The following ETV7 variants were observed in gnomAD, a reference collection of about 807,000 sequenced individuals.
ETV7 encodes ETS variant transcription factor 7.
A neutral mutation model predicts 39.1 loss-of-function variants in ETV7; 43 were observed. That is an observed-to-expected ratio of 1.10 (90% CI 0.86 to 1.42). The LOEUF (loss-of-function observed/expected upper bound fraction) is 1.42. ETV7 is among the 40% of genes most tolerant of loss of function. The pLI, the probability that ETV7 is intolerant of heterozygous loss-of-function variation, is 0.00. For missense variants in ETV7, 432 were observed against 442.3 expected, an observed-to-expected ratio of 0.98 and a Z score of 0.21; for synonymous variants, 196 against 176.6, an observed-to-expected ratio of 1.11 and a Z score of -0.87.
chr6:36,365,882 G>T (rs1772693499), downstream of ETV7, among the ~76,000 whole-genome samples: 1 of 152,196 alleles, frequency 6.6e-6, no homozygotes, highest in African/African-American at 2.4e-5. Flanking sequence ...AAACACTTAA[G>T]AAACATCGGC....
At chr6:36,368,227 A>G (rs1157953179) in intron 6 of ETV7, among the ~76,000 whole-genome samples, 2 of 152,182 alleles carry the variant, frequency 1.3e-5, no homozygotes, top group African/African-American at 2.4e-5. Flanking sequence ...GATTAAATGA[A>G]TTAGTACAAG....
chr6:36,366,862 C>T lies in ETV7; in HGVS notation c.908+13G>A. The T allele has an allele frequency of 6.2e-7, 1 of 1,613,836 alleles. No homozygotes were observed. The highest frequency in any genetic ancestry group is 8.5e-7 in the Non-Finnish European group (1 of 1,179,732). On this transcript the variant is annotated intron_variant, in intron 7 of 7. Coordinates refer to ENST00000340181, the MANE Select transcript of ETV7 (RefSeq NM_016135.4). ...TCTGCTTCCCCTTTCACCACATCCC[C>T]TAGGCCACTCACCTGAACAGGAGTT...
downstream of ETV7, among the ~76,000 whole-genome samples, chr6:36,363,520 T>A (rs375334983): frequency 6.6e-6 from 1 of 152,242 alleles, no homozygotes; most frequent in Non-Finnish European, 1.5e-5. Flanking sequence ...GGAGTGAAGC[T>A]GCAGATCTTC....
Position 36,371,321 on chromosome 6 carries a change from C to G in ETV7, c.664+9G>C. 1 of 1,573,172 alleles carries G rather than the reference C, an allele frequency of 6.4e-7. No individual in the cohort carries two copies. The highest frequency in any genetic ancestry group is 8.6e-7 in the Non-Finnish European group (1 of 1,158,238). On this transcript the variant is annotated intron_variant, in intron 5 of 7. Coordinates refer to ENST00000340181, the MANE Select transcript of ETV7 (RefSeq NM_016135.4). ...CCTTCCATGGCCAGAGGAACAGCCT[C>G]CCACTCACCAGCGATCCTGCCGTCA...
chr6:36,376,125 C>T (rs1773330617), intron 2 of ETV7, 90 bp from the exon 3 acceptor site: 1 of 1,232,616 alleles, frequency 8.1e-7, no homozygotes. Context: ...AGATGCTCCC[C>T]TGTCCTGGCC....
At chr6:36,371,035 A>T (rs1017225634) in intron 5 of ETV7, among the ~76,000 whole-genome samples, 2 of 152,264 alleles carry the variant, frequency 1.3e-5, no homozygotes, top group Non-Finnish European at 2.9e-5. Flanking sequence ...CAATTATTTT[A>T]AAACAGATAA....
At chr6:36,370,306 G>A (rs1382429629) in intron 5 of ETV7, among the ~76,000 whole-genome samples, 1 of 152,060 alleles carries the variant, frequency 6.6e-6, no homozygotes, top group African/African-American at 2.4e-5. Flanking sequence ...AGGCCGAGGT[G>A]GGTGGATCAC....
downstream of ETV7, among the ~76,000 whole-genome samples, chr6:36,363,894 G>GT (rs910316457): frequency 2.6e-5 from 4 of 152,040 alleles, no homozygotes; most frequent in Non-Finnish European, 4.4e-5. Context: ...GCTGATTGGT[G>GT]TATTTACAAA....
chr6:36,370,548 GAAAAGA>G (rs1172585288), intron 5 of ETV7, among the ~76,000 whole-genome samples: 1 of 151,936 alleles, frequency 6.6e-6, no homozygotes, highest in African/African-American at 2.4e-5. Context: ...AAAAAGAAAA[GAAAAGA>G]AAAGAAAAAC....
intron 2 of ETV7, among the ~76,000 whole-genome samples, chr6:36,378,240 G>GAAAAA (rs34940984): frequency 7.1e-6 from 1 of 140,336 alleles, no homozygotes; most frequent in African/African-American, 2.7e-5. Context: ...ATCTAATATG[G>GAAAAA]AAAAAAAAAA....
chr6:36,368,786 A>G, intron 6 of ETV7, 143 bp downstream of exon 6: 2 of 1,123,872 alleles, frequency 1.8e-6, no homozygotes, highest in Non-Finnish European at 2.6e-6. Flanking sequence ...TAGCTCCCCA[A>G]ATAAAATTAT....
rs143299071 is a variant in ETV7 at position 36,376,497 on chromosome 6, G to A, written c.143-462C>T. 9.2e-4 allele frequency among the ~76,000 whole-genome samples: 140 copies of A among 152,310 alleles called. 1 individual carries two copies. The South Asian group carries it at 0.011, about 12-fold the overall frequency. On this transcript the variant is annotated intron_variant, in intron 2 of 7. Coordinates refer to ENST00000340181, the MANE Select transcript of ETV7 (RefSeq NM_016135.4). ...CAACCCAATGAAAGGGGTGTTACTG[G>A]CCAGGCGCGGTGGCTCATGCCTGTA...
downstream of ETV7, among the ~76,000 whole-genome samples, chr6:36,361,551 C>A (rs1489480753): frequency 6.6e-6 from 1 of 152,136 alleles, no homozygotes; most frequent in East Asian, 1.9e-4. Context: ...AGGCTTCCTG[C>A]AGTTAAGAGC....
chr6:36,376,548 C>T (rs979858327), intron 2 of ETV7, among the ~76,000 whole-genome samples: 25 of 152,166 alleles, frequency 1.6e-4, no homozygotes, highest in East Asian at 5.8e-4. Flanking sequence ...GAGGCCGAGG[C>T]GGGTGGATCA....
chr6:36,381,210 T>G (rs1280942732), intron 2 of ETV7, among the ~76,000 whole-genome samples: 1 of 152,132 alleles, frequency 6.6e-6, no homozygotes, highest in Non-Finnish European at 1.5e-5. Context: ...GCCAGTACCC[T>G]AAAAATGGGA....
rs35376366 is a variant in ETV7 at position 36,370,689 on chromosome 6, GA to G, written c.664+640del. On this transcript the variant is annotated intron_variant, in intron 5 of 7. Coordinates refer to ENST00000340181, the MANE Select transcript of ETV7 (RefSeq NM_016135.4). ...ACCCCCTGAACCTAAAATAAAAGTT[GA>G]AAAAAAAAAAGAATAAATGCAGTGT... is the stretch of plus-strand genomic sequence containing the variant. Among the ~76,000 whole-genome samples, 488 of 146,104 alleles carry G rather than the reference GA, an allele frequency of 3.3e-3. 1 individual carries two copies. Among genetic ancestry groups the G allele is most frequent in the African/African-American group, 0.011 (447 of 39,966 alleles).
chr6:36,375,928 C>A lies in ETV7; in HGVS notation c.250G>T (p.Gly84Ter). Reference sequence around the variant, plus strand: ...TTGGTGAGGATGCAGAGGGCGCGTCCGTTCATCTCGAACCCGTGCTCCGCG... The same window carrying A: ...TTGGTGAGGATGCAGAGGGCGCGTCAGTTCATCTCGAACCCGTGCTCCGCG... ...CTAEHGFEMN[G>*]RALCILTKDD... The change falls in exon 3 of 8, where the codon GGA becomes TGA. Residue 84 changes from glycine to a stop codon, truncating the protein, a stop_gained. Transcript: ENST00000340181. LOFTEE classifies it high-confidence loss of function. 1 of 1,613,974 alleles carries A rather than the reference C, an allele frequency of 6.2e-7. No homozygotes were observed.
intron 7 of ETV7, among the ~76,000 whole-genome samples, chr6:36,360,434 C>T (rs1297959117): frequency 2.6e-5 from 4 of 152,144 alleles, no homozygotes; most frequent in African/African-American, 7.2e-5. Flanking sequence ...ATGCTATCAA[C>T]GGACAGCTGG....
At chr6:36,382,157 AC>A (rs1159771969) in intron 2 of ETV7, among the ~76,000 whole-genome samples, 5 of 151,996 alleles carry the variant, frequency 3.3e-5, no homozygotes, top group African/African-American at 7.3e-5. Context: ...CATTTCTCAA[AC>A]CATTTTTGAC....
Sources: allele counts gnomAD v4.1 joint callset (sites outside exome capture counted in the v4.1 genomes callset), GRCh38; gene constraint gnomAD v4.1.1; transcripts MANE v1.5; gene names NCBI Gene and HGNC (gene_info 2026-07-23, HGNC 2026-07-21).